The following TESC variants were observed in gnomAD, a reference collection of about 807,000 sequenced individuals.
The protein encoded by TESC is calcineurin B homologous protein 3.
TESC carries 19 observed loss-of-function variants against 31.0 expected under a neutral mutation model. That is an observed-to-expected ratio of 0.61 (90% CI 0.43 to 0.90). The LOEUF is 0.90. TESC is among the 40% of genes least tolerant of loss of function. The probability of loss-of-function intolerance (pLI) is 0.00; values close to 1 mark genes in which losing one functional copy is unlikely to be tolerated. For synonymous variants in TESC, 109 were observed against 114.8 expected (o/e 0.95, Z 0.32); for missense variants, 248 against 303.8 (o/e 0.82, Z 1.36).
At chr12:117,051,659 G>A (rs1954649305) in intron 3 of TESC, among the ~76,000 whole-genome samples, 1 of 152,188 alleles carries the variant, frequency 6.6e-6, no homozygotes, top group Admixed American at 6.5e-5. Flanking sequence ...GGTTTAGGCT[G>A]CAGCAAGAGG....
At chr12:117,075,178 A>AC (rs1565970957) in intron 2 of TESC, 93 bp downstream of exon 2, 29 of 1,257,256 alleles carry the variant, frequency 2.3e-5, no homozygotes, top group Non-Finnish European at 3.1e-5. Context: ...GAAAACAACT[A>AC]CCCCCGCTAC....
intron 2 of TESC, among the ~76,000 whole-genome samples, chr12:117,067,909 CTT>C (rs1676474327): frequency 6.6e-6 from 1 of 151,840 alleles, no homozygotes; most frequent in Non-Finnish European, 1.5e-5. Context: ...GCTTTTTTTT[CTT>C]TTTGAGACAG....
chr12:117,044,907 G>GA (rs1229880820), intron 6 of TESC, among the ~76,000 whole-genome samples: 2 of 128,722 alleles, frequency 1.6e-5, no homozygotes, highest in African/African-American at 3.2e-5. Context: ...GGGAAAAAAA[G>GA]AAAAAAAAGA....
rs953419668 is a variant in TESC at position 117,093,326 on chromosome 12, C to T, written c.58+5899G>A. ...GGCGAGAACGCAGTGGAGAAACCAG[C>T]GCCACCCCCACCAGCCACGCTTGGC... On this transcript the variant is annotated intron_variant, in intron 1 of 7. Coordinates refer to ENST00000335209, the MANE Select transcript of TESC (RefSeq NM_017899.4). 3.3e-4 allele frequency among the ~76,000 whole-genome samples: 51 copies of T among 152,248 alleles called. 1 individual carries two copies. Among genetic ancestry groups the T allele is most frequent in the African/African-American group, 1.2e-3 (51 of 41,464 alleles).
intron 4 of TESC, among the ~76,000 whole-genome samples, chr12:117,048,516 C>A (rs764349141): frequency 1.8e-4 from 27 of 152,144 alleles, no homozygotes; most frequent in African/African-American, 2.4e-4. Flanking sequence ...ACAACTGAAC[C>A]CACTCGGGAG....
rs140121189 is a variant in TESC at position 117,071,343 on chromosome 12, A to C, written c.128+3928T>G. ...AAAAGGCAATCAGTTCCTGCCCTCC[A>C]AGAAGCCACAGTCTGCTGGGGTGAG... On this transcript the variant is annotated intron_variant, in intron 2 of 7. Transcript: ENST00000335209. Among the ~76,000 whole-genome samples, 467 of 152,320 alleles carry C rather than the reference A, an allele frequency of 3.1e-3. 5 individuals are homozygous for C. Among genetic ancestry groups the C allele is most frequent in the Non-Finnish European group, 3.8e-3 (258 of 68,022 alleles).
intron 1 of TESC, among the ~76,000 whole-genome samples, chr12:117,080,876 T>C (rs1245398831): frequency 1.3e-5 from 2 of 152,170 alleles, no homozygotes; most frequent in African/African-American, 2.4e-5. Context: ...GGACCTGCCT[T>C]TTCCTCAAGG....
At chr12:117,059,740 G>C (rs550342488) in intron 2 of TESC, among the ~76,000 whole-genome samples, 192 of 152,144 alleles carry the variant, frequency 1.3e-3, no homozygotes, top group African/African-American at 4.5e-3. Context: ...TTACAGACAT[G>C]TGCTACCACG....
chr12:117,055,849 C>T (rs1410316117), intron 3 of TESC, among the ~76,000 whole-genome samples: 4 of 152,162 alleles, frequency 2.6e-5, no homozygotes, highest in African/African-American at 9.7e-5. Flanking sequence ...TAATTTGCAC[C>T]CAGGTTCCTT....
At chr12:117,044,250 C>T (rs527403435) in intron 6 of TESC, among the ~76,000 whole-genome samples, 6 of 151,742 alleles carry the variant, frequency 4.0e-5, no homozygotes, top group African/African-American at 7.3e-5. Flanking sequence ...CCAGTTGGGG[C>T]GACAGAACGA....
intron 1 of TESC, among the ~76,000 whole-genome samples, chr12:117,088,133 T>C (rs1955245386): frequency 6.6e-6 from 1 of 152,232 alleles, no homozygotes. Context: ...GGCTAGGCTG[T>C]ATGCCCAAAC....
intron 2 of TESC, among the ~76,000 whole-genome samples, chr12:117,070,112 C>T (rs1954945585): frequency 6.6e-6 from 1 of 152,250 alleles, no homozygotes; most frequent in Non-Finnish European, 1.5e-5. Context: ...GAAAACCCAG[C>T]ACAGCCCAGG....
chr12:117,099,079 C>T lies in TESC; in HGVS notation c.58+146G>A, dbSNP rs1373198231. 4.9e-6 allele frequency: 4 copies of T among 820,670 alleles called. No individual in the cohort carries two copies. The East Asian group carries it at 1.4e-4, about 28-fold the overall frequency. The allele number at this position is 820,670 out of a possible 1,614,324, so 50.8% of individuals were successfully genotyped here. A position where few individuals can be genotyped will look rare whatever the true frequency, so the allele number is the denominator to read the frequency against. On this transcript the variant is annotated intron_variant, in intron 1 of 7. Coordinates refer to ENST00000335209, the MANE Select transcript of TESC (RefSeq NM_017899.4). Reference sequence around the variant, plus strand: ...CAGCCCGCGAGGTGGCCAGCGGGGACCCATTTGAAAGAGGAGGAGACTGAG... The same window carrying T: ...CAGCCCGCGAGGTGGCCAGCGGGGATCCATTTGAAAGAGGAGGAGACTGAG...
intron 1 of TESC, among the ~76,000 whole-genome samples, chr12:117,085,007 A>G (rs1412242987): frequency 6.6e-6 from 1 of 152,198 alleles, no homozygotes; most frequent in Admixed American, 6.5e-5. Flanking sequence ...AGAAATGCAC[A>G]TCCCCTCGCC....
intron 2 of TESC, among the ~76,000 whole-genome samples, chr12:117,072,356 T>C (rs939406918): frequency 6.6e-6 from 1 of 152,134 alleles, no homozygotes; most frequent in Non-Finnish European, 1.5e-5. Context: ...GTGCTGAGAT[T>C]ATAGTCGTGA....
chr12:117,098,927 T>C (rs1955433210), intron 1 of TESC, among the ~76,000 whole-genome samples: 1 of 151,930 alleles, frequency 6.6e-6, no homozygotes, highest in African/African-American at 2.4e-5. Flanking sequence ...CTGAGGCACC[T>C]GCCCTGCGCT....
chr12:117,092,335 T>C (rs1955323955), intron 1 of TESC, among the ~76,000 whole-genome samples: 2 of 151,996 alleles, frequency 1.3e-5, no homozygotes, highest in South Asian at 2.1e-4. Flanking sequence ...CTGCGACAGA[T>C]GGTGAGATGA....
intron 1 of TESC, among the ~76,000 whole-genome samples, chr12:117,084,873 T>C (rs890748971): frequency 6.6e-6 from 1 of 152,226 alleles, no homozygotes; most frequent in African/African-American, 2.4e-5. Flanking sequence ...CAGGAGTGTG[T>C]GGGCCCTGAG....
At chr12:117,054,528 C>G (rs1232592293) in intron 3 of TESC, among the ~76,000 whole-genome samples, 4 of 152,170 alleles carry the variant, frequency 2.6e-5, no homozygotes, top group Non-Finnish European at 5.9e-5. Flanking sequence ...GGAACCTTCT[C>G]TCCCTGCTTT....
Sources: allele counts gnomAD v4.1 joint callset (sites outside exome capture counted in the v4.1 genomes callset), GRCh38; gene constraint gnomAD v4.1.1; transcripts MANE v1.5; gene names NCBI Gene and HGNC (gene_info 2026-07-23, HGNC 2026-07-21).